Variants in PDE1C observed in about 807,000 individuals in gnomAD.
The protein encoded by PDE1C is phosphodiesterase 1C.
A neutral mutation model predicts 93.1 loss-of-function variants in PDE1C; 62 were observed. The observed-to-expected ratio is 0.67, with a 90% confidence interval of 0.54 to 0.82. The LOEUF (loss-of-function observed/expected upper bound fraction) is 0.82, where lower values mean the gene tolerates loss of function less well. Among genes scored for constraint, PDE1C ranks in the 40% least tolerant of loss-of-function variants. The pLI is 0.00. For missense variants in PDE1C, 742 were observed against 884.6 expected, an observed-to-expected ratio of 0.84 and a Z score of 2.04; for synonymous variants, 325 against 310.1, an observed-to-expected ratio of 1.05 and a Z score of -0.50.
chr7:31,855,084 A>G (rs1332134603), intron 7 of PDE1C, among the ~76,000 whole-genome samples: 3 of 151,702 alleles, frequency 2.0e-5, no homozygotes, highest in Admixed American at 1.3e-4. Context: ...AAAAAAAAAA[A>G]AAAAAAACTT....
the PDE1C span, among the ~76,000 whole-genome samples, chr7:31,642,005 T>A: frequency 2.0e-5 from 3 of 152,202 alleles, no homozygotes; most frequent in Non-Finnish European, 2.9e-5. Context: ...AACTGAACTC[T>A]CTGACAATCG....
chr7:32,241,385 A>T (rs1275826897), intron 1 of PDE1C, among the ~76,000 whole-genome samples: 2 of 152,164 alleles, frequency 1.3e-5, no homozygotes, highest in Non-Finnish European at 2.9e-5. Context: ...TTTAAGAAGG[A>T]GGGAGTGGCC....
At chr7:31,625,232 A>C in the PDE1C span, among the ~76,000 whole-genome samples, 1 of 151,864 alleles carries the variant, frequency 6.6e-6, no homozygotes. Context: ...TCAGGGATCT[A>C]GAATTACAAA....
intron 3 of PDE1C, among the ~76,000 whole-genome samples, chr7:32,119,876 G>A (rs1799200315): frequency 6.6e-6 from 1 of 152,224 alleles, no homozygotes; most frequent in East Asian, 1.9e-4. Context: ...AAGTTTCCCG[G>A]GGGAAGGGCA....
the PDE1C span, among the ~76,000 whole-genome samples, chr7:31,715,430 G>A: frequency 6.6e-6 from 1 of 152,166 alleles, no homozygotes; most frequent in Admixed American, 6.5e-5. Context: ...GTAGAGATGG[G>A]GTTTCGCCAT....
At chr7:32,068,644 G>A (rs1432274812) in intron 1 of PDE1C, among the ~76,000 whole-genome samples, 4 of 152,190 alleles carry the variant, frequency 2.6e-5, no homozygotes, top group Non-Finnish European at 2.9e-5. Context: ...GCTACACGAC[G>A]CAGTGTTGTA....
chr7:31,794,081 C>CAGATAGATAGATAGATAGATAGATAGAT lies in PDE1C; in HGVS notation c.1891+14949_1891+14950insATCTATCTATCTATCTATCTATCTATCT, dbSNP rs1213702808. Among the ~76,000 whole-genome samples the CAGATAGATAGATAGATAGATAGATAGAT allele has an allele frequency of 1.1e-3, 151 of 135,764 alleles. 2 individuals carry two copies. The highest frequency in any genetic ancestry group is 3.7e-3 in the Middle Eastern group (1 of 272). 89.1% of individuals were successfully genotyped at this position (135,764 alleles called of 152,430 possible). ...ACAGACAGACAGACAGACAGACAGACAGACAGACAGATAGATAGACAGATA... is the reference window on the plus strand; with the variant it reads ...ACAGACAGACAGACAGACAGACAGACAGATAGATAGATAGATAGATAGATAGATAGACAGACAGATAGATAGACAGATA... On this transcript the variant is annotated intron_variant, in intron 16 of 17. Transcript: ENST00000396191.
chr7:32,231,612 GATCA>G (rs1807695944), intron 1 of PDE1C, among the ~76,000 whole-genome samples: 1 of 152,098 alleles, frequency 6.6e-6, no homozygotes, highest in Admixed American at 6.6e-5. Flanking sequence ...TCAAGGTACA[GATCA>G]ATCAAAACAC....
intron 17 of PDE1C, among the ~76,000 whole-genome samples, chr7:31,758,286 A>T (rs1794602363): frequency 6.8e-6 from 1 of 147,940 alleles, no homozygotes; most frequent in African/African-American, 2.5e-5. Context: ...CCTAGAACTT[A>T]AAGTATAATT....
the PDE1C span, chr7:31,651,071 G>C: frequency 2.6e-6 from 4 of 1,524,228 alleles, no homozygotes; most frequent in Non-Finnish European, 3.5e-6. Flanking sequence ...GGGAAGACAG[G>C]CTCCACCATG....
chr7:32,326,781 G>C (rs1456711262), intron 1 of PDE1C, among the ~76,000 whole-genome samples: 1 of 152,216 alleles, frequency 6.6e-6, no homozygotes, highest in Admixed American at 6.5e-5. Context: ...GCAGCTGATA[G>C]ATAAAAGGCG....
Position 32,425,667 on chromosome 7 carries a change from CAGA to C in PDE1C, c.310+2152_310+2154del, listed in dbSNP as rs1331536003. 3.9e-5 allele frequency among the ~76,000 whole-genome samples: 6 copies of C among 152,168 alleles called. No individual in the cohort carries two copies. In the South Asian group the frequency reaches 6.2e-4, roughly 16 times the overall value. On this transcript the variant is annotated intron_variant, in intron 1 of 1. Coordinates refer to the PDE1C transcript ENST00000672256. ...AATCTCCTGCCCAAACCGGTGAAAGCAGAAGAAGAAAAATAGCCAGGTGCAGCA... is the reference window on the plus strand; with the variant it reads ...AATCTCCTGCCCAAACCGGTGAAAGCAGAAGAAAAATAGCCAGGTGCAGCA...
chr7:32,147,300 G>GAAAGAAA (rs1563352820), intron 3 of PDE1C, among the ~76,000 whole-genome samples: 4 of 137,726 alleles, frequency 2.9e-5, no homozygotes, highest in Admixed American at 7.2e-5. Context: ...AAGAAAGAAA[G>GAAAGAAA]AAAGAAAGAA....
intron 6 of PDE1C, among the ~76,000 whole-genome samples, chr7:31,868,647 A>C (rs1795578837): frequency 6.6e-6 from 1 of 152,184 alleles, no homozygotes; most frequent in South Asian, 2.1e-4. Context: ...CTAGTGGAAA[A>C]ATTCCCAAAC....
chr7:32,217,487 G>A (rs2128851085), intron 1 of PDE1C, among the ~76,000 whole-genome samples: 1 of 152,198 alleles, frequency 6.6e-6, no homozygotes, highest in Middle Eastern at 3.4e-3. Flanking sequence ...GATAAATGTT[G>A]ATGCTTGACA....
intron 2 of PDE1C, among the ~76,000 whole-genome samples, chr7:32,185,247 GA>G (rs60570476): frequency 0.049 from 5,022 of 101,554 alleles, 81 homozygotes; most frequent in Non-Finnish European, 0.066. Flanking sequence ...CTCTGTCTCA[GA>G]AAAAAAAAAA....
rs200136100 is a variant in PDE1C at position 31,985,143 on chromosome 7, C to T, written c.128+66411G>A. On this transcript the variant is annotated intron_variant, in intron 2 of 17. Coordinates refer to ENST00000396191, the MANE Select transcript of PDE1C (RefSeq NM_001191057.4). ...ATACCATGAAAGGTTTATCAGCGCA[C>T]GGACAAGGGCCAAGAGTAGACTAGT... Among the ~76,000 whole-genome samples the T allele has an allele frequency of 1.1e-4, 17 of 152,250 alleles. No homozygotes were observed. The East Asian group carries it at 2.5e-3, about 22-fold the overall frequency.
chr7:32,158,258 C>A (rs563930598), intron 3 of PDE1C, among the ~76,000 whole-genome samples: 2 of 152,276 alleles, frequency 1.3e-5, no homozygotes, highest in East Asian at 3.9e-4. Context: ...TTATGATATG[C>A]CCGCCTCAAG....
At chr7:31,697,152 G>A in the PDE1C span, 32 of 1,609,798 alleles carry the variant, frequency 2.0e-5, no homozygotes, top group East Asian at 6.9e-4. Context: ...TGCAGGGGGT[G>A]ATGGGGACAG....
Sources: gnomAD v4.1 joint callset for allele counts (sites outside exome capture counted in the v4.1 genomes callset) on GRCh38, gnomAD v4.1.1 for gene constraint, MANE v1.5 for transcripts, NCBI Gene and HGNC (gene_info 2026-07-23, HGNC 2026-07-21) for gene names.